The following CYP2D6 variants were observed in gnomAD, a reference collection of about 807,000 sequenced individuals.
CYP2D6 encodes the protein cytochrome P450 2D6.
A neutral mutation model predicts 43.5 loss-of-function variants in CYP2D6; 51 were observed. That is an observed-to-expected ratio of 1.17 (90% CI 0.94 to 1.48). The LOEUF (loss-of-function observed/expected upper bound fraction) is 1.48. Among genes scored for constraint, CYP2D6 ranks in the 40% most tolerant of loss-of-function variants. The pLI is 0.00. For missense variants in CYP2D6, 698 were observed against 688.0 expected, an observed-to-expected ratio of 1.01 and a Z score of -0.16; for synonymous variants, 346 against 297.1, an observed-to-expected ratio of 1.16 and a Z score of -1.69.
Position 42,129,657 on chromosome 22 carries a change from G to T in CYP2D6, c.352+81C>A. ...GCCTGTTTCATGTCCACGACCCCGC[G>T]CCCTCTCTGCCCAGCTCGGACTACG... On this transcript the variant is annotated intron_variant, in intron 2 of 8. Transcript: ENST00000645361. 1.0e-5 allele frequency: 16 copies of T among 1,564,414 alleles called. No homozygotes were observed. In the South Asian group the frequency reaches 1.7e-4, roughly 16 times the overall value.
At chr22:42,130,503 C>T in intron 1 of CYP2D6, 109 bp downstream of exon 1, 3 of 1,216,890 alleles carry the variant, frequency 2.5e-6, no homozygotes, top group Non-Finnish European at 3.5e-6. Context: ...CCTGCTTCCC[C>T]TTCTCAGCCT....
At chr22:42,127,063 C>G (rs1200472113) in intron 7 of CYP2D6, 71 bp from the exon 8 acceptor site, 1 of 1,514,146 alleles carries the variant, frequency 6.6e-7, no homozygotes, top group African/African-American at 1.4e-5. Flanking sequence ...ACCAAACACA[C>G]GGGGGACACA....
In CYP2D6 at chr22:42,128,314, C is replaced by T. The variant is rs894588878; in HGVS notation, c.703G>A (p.Ala235Thr). The T allele has an allele frequency of 5.6e-6, 9 of 1,610,566 alleles. 1 individual carries two copies. Among genetic ancestry groups the T allele is most frequent in the Admixed American group, 1.7e-5 (1 of 59,876 alleles). The change falls in exon 5 of 9, where the codon GCG becomes ACG. Residue 235 changes from alanine (A) to threonine (T), a missense_variant. By Grantham distance (58) the Ala-to-Thr change is moderately conservative. Around this residue, in one of 5 missense-constraint regions of CYP2D6, gnomAD observed 588 missense variants for 521.1 expected, o/e 1.13. Coordinates refer to ENST00000645361, the MANE Select transcript of CYP2D6 (RefSeq NM_000106.6). ...NAVPVLLHIP[A>T]LAGKVLRFQK... ...AAGCGTAGGACCTTGCCAGCCAGCG[C>T]TGGGATATGCAGGAGGACGGGGACA...
rs1135832 is a variant in CYP2D6, at chr22:42,126,667, C to A, written c.1401G>T (p.Ser467=). 18 of 1,606,326 alleles carry A rather than the reference C, an allele frequency of 1.1e-5. No homozygotes were observed. Among genetic ancestry groups the A allele is most frequent in the Non-Finnish European group, 1.4e-5 (17 of 1,176,586 alleles). The change falls in exon 9 of 9, where the codon TCG becomes TCT. Residue 467 remains serine, a synonymous_variant. Transcript: ENST00000645361. The stretch of plus-strand genomic sequence containing the variant: ...TGGGCCGGGGCTGTCCAGTGGGCAC[C>A]GAGAAGCTGAAGTGCTGCAGCAGGG... The part of the protein sequence containing the change: ...FTSLLQHFSF[S]VPTGQPRPSH...
chr22:42,128,766 C>T lies in CYP2D6; in HGVS notation c.666+18G>A, dbSNP rs769541045. 11 of 1,564,892 alleles carry T rather than the reference C, an allele frequency of 7.0e-6. No individual in the cohort carries two copies. Among genetic ancestry groups the T allele is most frequent in the African/African-American group, 2.8e-5 (2 of 71,506 alleles). ...GGGAGCTCGCCCTGCAGAGACTCCT[C>T]GGTCTCTCGCTCCGCACCTCGCGCA... On this transcript the variant is annotated intron_variant, in intron 4 of 8. Coordinates refer to ENST00000645361, the MANE Select transcript of CYP2D6 (RefSeq NM_000106.6).
rs1931239886 is a variant in CYP2D6, at chr22:42,128,079, G to A, written c.843+95C>T. ...TCAGCCCAGATGCGGCTCGCCGGGTGATGCACTGGTCCAACCTTTTGCCCA... is the reference window on the plus strand; with the variant it reads ...TCAGCCCAGATGCGGCTCGCCGGGTAATGCACTGGTCCAACCTTTTGCCCA... On this transcript the variant is annotated intron_variant, in intron 5 of 8. Coordinates refer to ENST00000645361, the MANE Select transcript of CYP2D6 (RefSeq NM_000106.6). 6 of 1,589,382 alleles carry A rather than the reference G, an allele frequency of 3.8e-6. No homozygotes were observed. The South Asian group carries it at 4.5e-5, about 12-fold the overall frequency.
chr22:42,127,590 G>A lies in CYP2D6; in HGVS notation c.1030C>T (p.Arg344Ter), dbSNP rs72549347. ...TGAGCCTGGTCACCCATCTCTGGTCGCCGCACCTGCCCTATCACGTCGTCG... is the reference window on the plus strand; with the variant it reads ...TGAGCCTGGTCACCCATCTCTGGTCACCGCACCTGCCCTATCACGTCGTCG... ...EIDDVIGQVR[R>*]PEMGDQAHMP... Residue 344 changes from arginine (R) to a stop codon, truncating the protein, a stop_gained, in exon 7 of 9, where the codon CGA becomes TGA. Coordinates refer to ENST00000645361, the MANE Select transcript of CYP2D6 (RefSeq NM_000106.6). LOFTEE classifies it high-confidence loss of function. 1.3e-4 allele frequency: 202 copies of A among 1,611,984 alleles called. 1 individual carries two copies. The African/African-American group carries it at 1.5e-3, about 12-fold the overall frequency.
At chr22:42,129,648 C>A in intron 2 of CYP2D6, 90 bp downstream of exon 2, 1 of 1,542,496 alleles carries the variant, frequency 6.5e-7, no homozygotes, top group East Asian at 2.3e-5. Context: ...TTCATGTCCA[C>A]GACCCCGCGC....
Position 42,128,785 on chromosome 22 carries a change from T to G in CYP2D6, c.665A>C (p.Glu222Ala). 1 of 1,605,594 alleles carries G rather than the reference T, an allele frequency of 6.2e-7. No homozygotes were observed. The highest frequency in any genetic ancestry group is 8.5e-7 in the Non-Finnish European group (1 of 1,175,632). The part of the protein sequence containing the change: ...GLKEESGFLR[E>A]VLNAVPVLLH... ...ACTCCTCGGTCTCTCGCTCCGCACC[T>G]CGCGCAGAAAGCCCGACTCCTCCTT... Residue 222 changes from glutamate to alanine, a missense_variant and splice_region_variant, in exon 4 of 9, where the codon GAG becomes GCG. Transcript: ENST00000645361.
In CYP2D6 at chr22:42,128,218, G is replaced by C. The variant is rs1323341780; in HGVS notation, c.799C>G (p.Pro267Ala). The C allele has an allele frequency of 2.5e-6, 4 of 1,609,778 alleles. No individual in the cohort carries two copies. The Admixed American group carries it at 6.7e-5, about 27-fold the overall frequency. The change falls in exon 5 of 9, where the codon CCC becomes GCC. Residue 267 changes from proline to alanine, a missense_variant. This residue lies in a region of CYP2D6 where 588 missense variants were observed against 521.1 expected (regional missense o/e 1.13). Coordinates refer to ENST00000645361, the MANE Select transcript of CYP2D6 (RefSeq NM_000106.6). ...EHRMTWDPAQ[P>A]PRDLTEAFLA... is the part of the protein sequence containing the mutation. ...AAGGCCTCAGTCAGGTCTCGGGGGG[G>C]CTGGGCTGGGTCCCAGGTCATCCTG...
Position 42,128,282 on chromosome 22 carries a change from C to G in CYP2D6, c.735G>C (p.Lys245Asn). ...GCTCATCCAGCTGGGTCAGGAAAGC[C>G]TTTTGGAAGCGTAGGACCTTGCCAG... ...ALAGKVLRFQ[K>N]AFLTQLDELL... The change falls in exon 5 of 9, where the codon AAG (lysine) becomes AAC (asparagine). Residue 245 changes from lysine to asparagine, a missense_variant. Transcript: ENST00000645361. 4 of 1,610,722 alleles carry G rather than the reference C, an allele frequency of 2.5e-6. No individual in the cohort carries two copies. The highest frequency in any genetic ancestry group is 3.4e-6 in the Non-Finnish European group (4 of 1,178,040).
intron 2 of CYP2D6, 86 bp from the exon 3 acceptor site, chr22:42,129,271 G>A (rs550671870): frequency 3.4e-6 from 5 of 1,480,812 alleles, no homozygotes; most frequent in Non-Finnish European, 4.6e-6. Flanking sequence ...GCTCCCCCTG[G>A]TCTCCCGCAG....
chr22:42,127,160 C>T (rs1446104384), intron 7 of CYP2D6, among the ~76,000 whole-genome samples, 168 bp from the exon 8 acceptor site: 3 of 151,008 alleles, frequency 2.0e-5, no homozygotes, highest in Non-Finnish European at 4.4e-5. Flanking sequence ...CAGCAGGGCG[C>T]AGTCACACCT....
intron 5 of CYP2D6, 28 bp from the exon 6 acceptor site, chr22:42,128,011 A>G (rs1160964787): frequency 1.9e-6 from 3 of 1,611,208 alleles, no homozygotes; most frequent in Middle Eastern, 1.7e-4. Context: ...CATACTCGGG[A>G]CAGAACGGGG....
rs1931203893 is a variant in CYP2D6 at position 42,127,914 on chromosome 22, C to T, written c.913G>A (p.Ala305Thr). Residue 305 changes from alanine to threonine, a missense_variant, in exon 6 of 9, where the codon GCC becomes ACC. Physicochemically the swap from Ala to Thr is moderately conservative, Grantham distance 58. Coordinates refer to ENST00000645361, the MANE Select transcript of CYP2D6 (RefSeq NM_000106.6). ...LRIVVADLFSAGMVTTSTTLA... is the reference protein window; with the variant it reads ...LRIVVADLFSTGMVTTSTTLA... ...GTGGTCGAGGTGGTCACCATCCCGGCAGAGAACAGGTCAGCCACCACTATG... is the reference window on the plus strand; with the variant it reads ...GTGGTCGAGGTGGTCACCATCCCGGTAGAGAACAGGTCAGCCACCACTATG... 6.2e-7 allele frequency: 1 copy of T among 1,611,030 alleles called. No homozygotes were observed. Among genetic ancestry groups the T allele is most frequent in the Non-Finnish European group, 8.5e-7 (1 of 1,178,116 alleles).
At position 42,127,874 on chromosome 22, in the gene CYP2D6, A is replaced by G; in HGVS notation, c.953T>C (p.Leu318Pro). 6.2e-7 allele frequency: 1 copy of G among 1,611,066 alleles called. No individual in the cohort carries two copies. The change falls in exon 6 of 9, where the codon CTC (leucine) becomes CCC (proline). Residue 318 changes from leucine to proline, a missense_variant. Physicochemically the swap from Leu to Pro is moderately conservative, Grantham distance 98. Around this residue, in one of 5 missense-constraint regions of CYP2D6, gnomAD observed 588 missense variants for 521.1 expected, o/e 1.13. Transcript: ENST00000645361. The part of the protein sequence containing the change: ...VTTSTTLAWG[L>P]LLMILHPDVQ... ...ATCCGGATGTAGGATCATGAGCAGG[A>G]GGCCCCAGGCCAGCGTGGTCGAGGT...
Position 42,129,033 on chromosome 22 carries a change from C to T in CYP2D6, c.505G>A (p.Gly169Arg), listed in dbSNP as rs5030865. 2.6e-4 allele frequency: 414 copies of T among 1,606,206 alleles called. 22 individuals are homozygous for T. The East Asian group carries it at 8.3e-3, about 32-fold the overall frequency. ...TTGTGCCCTTCTGCCCATCACCCAC[C>T]GGAGTGGTTGGCGAAGGCGGCACAA... The part of the protein sequence containing the change: ...CLCAAFANHS[G>R]RPFRPNGLLD... The change falls in exon 3 of 9, where the codon GGA becomes AGA. Residue 169 changes from glycine (G) to arginine (R), a missense_variant and splice_region_variant. Physicochemically the swap from Gly to Arg is moderately radical, Grantham distance 125. This residue lies in a region of CYP2D6 where 588 missense variants were observed against 521.1 expected (regional missense o/e 1.13). Coordinates refer to ENST00000645361, the MANE Select transcript of CYP2D6 (RefSeq NM_000106.6).
Position 42,129,773 on chromosome 22 carries a change from A to C in CYP2D6, c.317T>G (p.Ile106Ser), listed in dbSNP as rs1424328314. The change falls in exon 2 of 9, where the codon ATC becomes AGC. Residue 106 changes from isoleucine (I) to serine (S), a missense_variant. Physicochemically the swap from Ile to Ser is moderately radical, Grantham distance 142. Around this residue, in one of 5 missense-constraint regions of CYP2D6, gnomAD observed 588 missense variants for 521.1 expected, o/e 1.13. Coordinates refer to ENST00000645361, the MANE Select transcript of CYP2D6 (RefSeq NM_000106.6). Reference sequence around the variant, plus strand: ...CGGCCCGAAACCCAGGATCTGGGTGATGGGCACAGGCGGGCGGTCGGCGGT... The same window carrying C: ...CGGCCCGAAACCCAGGATCTGGGTGCTGGGCACAGGCGGGCGGTCGGCGGT... ...EDTADRPPVPITQILGFGPRS... is the reference protein window; with the variant it reads ...EDTADRPPVPSTQILGFGPRS... The C allele has an allele frequency of 6.2e-7, 1 of 1,609,604 alleles. No individual in the cohort carries two copies. The highest frequency in any genetic ancestry group is 2.2e-5 in the East Asian group (1 of 44,736).
rs1370926951 is a variant in CYP2D6, at chr22:42,126,630, C to T, written c.1438G>A (p.Val480Ile). The T allele has an allele frequency of 1.9e-6, 3 of 1,609,168 alleles. No homozygotes were observed. The highest frequency in any genetic ancestry group is 1.7e-6 in the Non-Finnish European group (2 of 1,177,578). ...TGQPRPSHHG[V>I]FAFLVSPSPY... Reference sequence around the variant, plus strand: ...GATGGGCTCACCAGGAAAGCAAAGACACCATGGTGGCTGGGCCGGGGCTGT... The same window carrying T: ...GATGGGCTCACCAGGAAAGCAAAGATACCATGGTGGCTGGGCCGGGGCTGT... Residue 480 changes from valine to isoleucine, a missense_variant, in exon 9 of 9, where the codon GTC (valine) becomes ATC (isoleucine). Around this residue, in one of 5 missense-constraint regions of CYP2D6, gnomAD observed 85 missense variants for 81.2 expected, o/e 1.05. Transcript: ENST00000645361.
Sources: gnomAD v4.1 joint callset for allele counts (sites outside exome capture counted in the v4.1 genomes callset) on GRCh38, gnomAD v4.1.1 for gene constraint, gnomAD v4.1.1 regional missense constraint, MANE v1.5 for transcripts, NCBI Gene and HGNC (gene_info 2026-07-23, HGNC 2026-07-21) for gene names.